Variants in SOX6 observed in about 807,000 individuals in gnomAD.
The protein encoded by SOX6 is SRY-box transcription factor 6.
A neutral mutation model predicts 97.8 loss-of-function variants in SOX6; 11 were observed. That is an observed-to-expected ratio of 0.11 (90% CI 0.07 to 0.19). The LOEUF (loss-of-function observed/expected upper bound fraction) is 0.19. Ranked by LOEUF, SOX6 falls within the 10% of genes least tolerant of loss-of-function variation. The pLI is 1.00. For missense variants in SOX6, 810 were observed against 1,039.5 expected (o/e 0.78, Z 3.04); for synonymous variants, 360 against 371.4 (o/e 0.97, Z 0.35).
In SOX6 at chr11:16,605,958, C is replaced by A. The variant is rs1461941998; in HGVS notation, n.609+6123G>T. 6.6e-6 allele frequency: 1 copy of A among 152,222 alleles called. No individual in the cohort carries two copies. Among genetic ancestry groups the A allele is most frequent in the Non-Finnish European group, 1.5e-5 (1 of 68,080 alleles). The allele number at this position is 152,222 out of a possible 1,614,324, so 9.4% of individuals were successfully genotyped here. ...GGTTTAGGTCGGCTCGCAAGGGAAG[C>A]CCGTTTTGTCCAGGTTGGATATTGT... On this transcript the variant is annotated intron_variant and non_coding_transcript_variant, in intron 4 of 5. Transcript: ENST00000524520. The surrounding 1 kb of genome is among the most constrained non-coding windows in gnomAD (Gnocchi z 5.3).
intron 4 of SOX6, among the ~76,000 whole-genome samples, chr11:16,216,289 A>G (rs1852369747): frequency 6.6e-6 from 1 of 152,220 alleles, no homozygotes. Context: ...ATGAAATTAC[A>G]TAAACCCCAC....
At chr11:16,457,611 C>T (rs997554258) in intron 1 of SOX6, among the ~76,000 whole-genome samples, 27 of 151,966 alleles carry the variant, frequency 1.8e-4, no homozygotes, top group Non-Finnish European at 2.9e-5. Context: ...CAAGTGAAGC[C>T]CTAGTGTATT....
intron 10 of SOX6, among the ~76,000 whole-genome samples, chr11:16,054,782 A>G (rs917457676): frequency 1.3e-5 from 2 of 152,202 alleles, no homozygotes; most frequent in African/African-American, 2.4e-5. Flanking sequence ...CTCCAAGTAG[A>G]TAAGTCAATT....
chr11:16,391,167 G>A lies in SOX6; in HGVS notation c.-4-49915C>T, dbSNP rs534690865. Among the ~76,000 whole-genome samples the A allele has an allele frequency of 1.8e-4, 28 of 152,170 alleles. No homozygotes were observed. In the South Asian group the frequency reaches 5.8e-3, roughly 32 times the overall value. Reference sequence around the variant, plus strand: ...TAAGAACACATGGACATGGGGAGGGGAACATCACACACTGGGGAACATCAC... The same window carrying A: ...TAAGAACACATGGACATGGGGAGGGAAACATCACACACTGGGGAACATCAC... On this transcript the variant is annotated intron_variant, in intron 1 of 15. Transcript: ENST00000396356.
chr11:16,625,129 A>G (rs1323675964), intron 3 of SOX6, among the ~76,000 whole-genome samples: 3 of 152,174 alleles, frequency 2.0e-5, no homozygotes, highest in African/African-American at 7.2e-5. Context: ...TAATTTTGAT[A>G]AAGTCCACAT....
At chr11:16,234,988 G>A (rs1307786952) in intron 3 of SOX6, among the ~76,000 whole-genome samples, 3 of 151,532 alleles carry the variant, frequency 2.0e-5, no homozygotes, top group Non-Finnish European at 4.4e-5. Context: ...CAGAAAAGAG[G>A]GCTCTTTCCT....
At chr11:16,642,561 G>A (rs532361211) in intron 3 of SOX6, among the ~76,000 whole-genome samples, 7 of 152,306 alleles carry the variant, frequency 4.6e-5, no homozygotes, top group South Asian at 4.1e-4. Context: ...CCAATCAGAC[G>A]TAGATTTGGT....
intron 9 of SOX6, among the ~76,000 whole-genome samples, chr11:16,068,881 C>T (rs1848155753): frequency 6.6e-6 from 1 of 152,168 alleles, no homozygotes; most frequent in South Asian, 2.1e-4. Flanking sequence ...TTTTCTCCCA[C>T]CAAATTCTGA....
intron 4 of SOX6, among the ~76,000 whole-genome samples, chr11:16,543,460 G>A (rs964093940): frequency 1.3e-5 from 2 of 151,770 alleles, no homozygotes; most frequent in African/African-American, 4.8e-5. Context: ...AGTCCCCAGT[G>A]ATGACATGAA....
chr11:16,654,383 G>A (rs1847695353), intron 3 of SOX6, among the ~76,000 whole-genome samples: 1 of 152,100 alleles, frequency 6.6e-6, no homozygotes, highest in African/African-American at 2.4e-5. Flanking sequence ...TGTTGCCCAG[G>A]CTGGTCTCAA....
intron 7 of SOX6, among the ~76,000 whole-genome samples, chr11:16,098,111 G>C (rs1450831485): frequency 6.6e-6 from 1 of 151,790 alleles, no homozygotes. Flanking sequence ...AAAGGGCTCT[G>C]AGCTATTGAC....
In SOX6 at chr11:16,538,062, AG is replaced by A. The variant is rs542407704; in HGVS notation, n.610-61675del. 3.9e-3 allele frequency among the ~76,000 whole-genome samples: 591 copies of A among 152,332 alleles called. 3 individuals are homozygous for A. Among genetic ancestry groups the A allele is most frequent in the African/African-American group, 0.014 (572 of 41,578 alleles). Reference sequence around the variant, plus strand: ...GGTTAAAATGAAGGAAAAAATGTTAAGGGCAGCCAGAGAGAAAGGTCGGGTT... The same window carrying A: ...GGTTAAAATGAAGGAAAAAATGTTAAGGCAGCCAGAGAGAAAGGTCGGGTT... On this transcript the variant is annotated intron_variant and non_coding_transcript_variant, in intron 4 of 5. Coordinates refer to the SOX6 transcript ENST00000524520.
intron 2 of SOX6, among the ~76,000 whole-genome samples, chr11:16,734,229 G>A (rs1249124649): frequency 1.3e-5 from 2 of 152,016 alleles, no homozygotes; most frequent in Non-Finnish European, 2.9e-5. Context: ...TGGACAGAAT[G>A]GGAGTTACCC....
At chr11:16,737,142 A>G (rs1848397466) in intron 1 of SOX6, among the ~76,000 whole-genome samples, 3 of 152,188 alleles carry the variant, frequency 2.0e-5, no homozygotes, top group African/African-American at 7.2e-5. Context: ...ATAGCTAAGC[A>G]TTGTTTCACA....
chr11:16,332,387 T>C (rs948593844), intron 2 of SOX6, among the ~76,000 whole-genome samples: 5 of 152,182 alleles, frequency 3.3e-5, no homozygotes, highest in Admixed American at 6.5e-5. Context: ...TCTTCTATTA[T>C]ACCACCATAA....
At chr11:16,136,028 A>ATT (rs574825396) in intron 6 of SOX6, among the ~76,000 whole-genome samples, 2 of 151,054 alleles carry the variant, frequency 1.3e-5, no homozygotes, top group South Asian at 4.2e-4. Flanking sequence ...GATCATTAGC[A>ATT]TTTTTTTTTG....
intron 2 of SOX6, among the ~76,000 whole-genome samples, chr11:16,325,121 G>T (rs297351): frequency 0.61 from 92,935 of 151,900 alleles, 28,904 homozygotes; most frequent in East Asian, 0.72. Flanking sequence ...TGAAGTTCTC[G>T]ATATTTTGTA....
intron 1 of SOX6, among the ~76,000 whole-genome samples, chr11:16,467,687 T>C (rs535717451): frequency 6.6e-6 from 1 of 152,262 alleles, no homozygotes; most frequent in African/African-American, 2.4e-5. Context: ...CTGATGGTAC[T>C]TGGGTTAATA....
chr11:16,365,521 T>C (rs1857336016), intron 1 of SOX6, among the ~76,000 whole-genome samples: 1 of 152,080 alleles, frequency 6.6e-6, no homozygotes, highest in South Asian at 2.1e-4. Context: ...AAATTAGATG[T>C]TAATTAACCA....
Sources: gnomAD v4.1 joint callset for allele counts (sites outside exome capture counted in the v4.1 genomes callset) on GRCh38, gnomAD v4.1.1 for gene constraint, Gnocchi (gnomAD v3.1) non-coding constraint, MANE v1.5 for transcripts, NCBI Gene and HGNC (gene_info 2026-07-23, HGNC 2026-07-21) for gene names.